Variants in CDX1 observed in about 807,000 individuals in gnomAD.
CDX1 encodes caudal type homeobox 1.
A neutral mutation model predicts 16.9 loss-of-function variants in CDX1; 9 were observed. The ratio of observed to expected loss-of-function variants is 0.53; its 90% CI spans 0.32 to 0.93. CDX1 has a LOEUF of 0.93. Among genes scored for constraint, CDX1 ranks in the 40% least tolerant of loss-of-function variants. The pLI is 0.04. For missense variants in CDX1, 393 were observed against 386.1 expected (o/e 1.02, Z -0.15); for synonymous variants, 179 against 179.0 (o/e 1.00, Z 0.00).
intron 1 of CDX1, among the ~76,000 whole-genome samples, chr5:150,174,374 G>A (rs1419756170): frequency 6.6e-6 from 1 of 152,248 alleles, no homozygotes; most frequent in African/African-American, 2.4e-5. Context: ...TTAAATGGCT[G>A]TCTTGGGCTC....
rs1761489251 is a variant in CDX1, at chr5:150,170,412, G to A, written c.445+3091G>A. On this transcript the variant is annotated intron_variant, in intron 1 of 2. Transcript: ENST00000231656. The stretch of plus-strand genomic sequence containing the variant: ...AACTATGTCTGCTTAACCCACTACT[G>A]CATCCTGGCACCCAGCTCAGTGCAT... Among the ~76,000 whole-genome samples the A allele has an allele frequency of 1.3e-5, 2 of 152,300 alleles. 1 individual carries two copies. The highest frequency in any genetic ancestry group is 6.8e-3 in the Middle Eastern group (2 of 294).
At chr5:150,174,483 G>A (rs979001786) in intron 1 of CDX1, among the ~76,000 whole-genome samples, 13 of 152,186 alleles carry the variant, frequency 8.5e-5, no homozygotes, top group African/African-American at 2.9e-4. Context: ...CAGTGTGGGC[G>A]TCCGGACCCT....
In CDX1 at chr5:150,166,832, C is replaced by T. The variant is rs987630430; in HGVS notation, c.-45C>T. 2.3e-6 allele frequency: 3 copies of T among 1,329,162 alleles called. No individual in the cohort carries two copies. 82.3% of individuals were successfully genotyped at this position (1,329,162 alleles called of 1,614,324 possible). A position where few individuals can be genotyped will look rare whatever the true frequency, so the allele number is the denominator to read the frequency against. ...TGCTCGTCGTCGGGGCGGCCGGCAG[C>T]GGCGGCTCCAGGGCCCAGCATGCGC... On this transcript the variant is annotated 5_prime_UTR_variant, in exon 1 of 3. Transcript: ENST00000231656.
At chr5:150,181,437 G>A (rs1489122910) in intron 1 of CDX1, among the ~76,000 whole-genome samples, 1 of 152,014 alleles carries the variant, frequency 6.6e-6, no homozygotes, top group Non-Finnish European at 1.5e-5. Context: ...CACCACGCCC[G>A]GCTAATTTTT....
Position 150,167,191 on chromosome 5 carries a change from T to A in CDX1, c.315T>A (p.Pro105=). The change falls in exon 1 of 3, where the codon CCT becomes CCA. Residue 105 remains proline (P), a synonymous_variant. Coordinates refer to ENST00000231656, the MANE Select transcript of CDX1 (RefSeq NM_001804.3). ...PPDFSPVPAP[P]GPGPGLLAQP... ...ACTTTAGCCCGGTGCCGGCGCCCCC[T>A]GGGCCCGGCCCGGGCCTCCTGGCGC... The A allele has an allele frequency of 4.7e-6, 6 of 1,269,992 alleles. No individual in the cohort carries two copies. Among genetic ancestry groups the A allele is most frequent in the Non-Finnish European group, 5.9e-6 (6 of 1,013,196 alleles). The allele number at this position is 1,269,992 out of a possible 1,614,324, so 78.7% of individuals were successfully genotyped here.
chr5:150,174,259 A>AG (rs1292789342), intron 1 of CDX1, among the ~76,000 whole-genome samples: 3 of 152,232 alleles, frequency 2.0e-5, no homozygotes, highest in Non-Finnish European at 4.4e-5. Flanking sequence ...GAAGATGGCC[A>AG]GGGGGGCAGT....
chr5:150,168,475 A>G (rs2113947249), intron 1 of CDX1, among the ~76,000 whole-genome samples: 1 of 152,356 alleles, frequency 6.6e-6, no homozygotes, highest in South Asian at 2.1e-4. Flanking sequence ...AGACTCTGCC[A>G]CTTGCTTCTG....
intron 1 of CDX1, among the ~76,000 whole-genome samples, chr5:150,171,552 G>A (rs1405569031): frequency 2.6e-5 from 4 of 152,226 alleles, no homozygotes; most frequent in Admixed American, 6.5e-5. Context: ...TAGCCAGGAT[G>A]GTCTCGATCT....
chr5:150,180,042 C>T (rs1761621636), intron 1 of CDX1, among the ~76,000 whole-genome samples: 1 of 152,236 alleles, frequency 6.6e-6, no homozygotes, highest in African/African-American at 2.4e-5. Context: ...CTTCTTTGGC[C>T]CTCCAGCTGC....
At chr5:150,173,723 T>G (rs992704370) in intron 1 of CDX1, among the ~76,000 whole-genome samples, 1 of 152,220 alleles carries the variant, frequency 6.6e-6, no homozygotes, top group African/African-American at 2.4e-5. Flanking sequence ...GTTCAGCATT[T>G]TTTCAAATGC....
chr5:150,178,850 C>A (rs1761604851), intron 1 of CDX1, among the ~76,000 whole-genome samples: 1 of 151,280 alleles, frequency 6.6e-6, no homozygotes, highest in African/African-American at 2.4e-5. Context: ...TTCTGTCTTG[C>A]TTTTTTTTTC....
chr5:150,173,529 A>G (rs1358132281), intron 1 of CDX1, among the ~76,000 whole-genome samples: 1 of 152,136 alleles, frequency 6.6e-6, no homozygotes, highest in Non-Finnish European at 1.5e-5. Context: ...TCACCTCACC[A>G]GTCGGTTTAG....
intron 1 of CDX1, among the ~76,000 whole-genome samples, chr5:150,168,344 G>C (rs1418329738): frequency 6.6e-6 from 1 of 152,190 alleles, no homozygotes; most frequent in African/African-American, 2.4e-5. Context: ...AGCTTGCCTC[G>C]GGGCAGATGC....
chr5:150,175,292 TG>T (rs1037262896), intron 1 of CDX1, among the ~76,000 whole-genome samples: 1 of 152,196 alleles, frequency 6.6e-6, no homozygotes, highest in African/African-American at 2.4e-5. Context: ...ATGGCCAGAC[TG>T]GGGGAGAGCC....
rs371382961 is a variant in CDX1 at position 150,174,713 on chromosome 5, T to C, written c.445+7392T>C. 4.1e-4 allele frequency among the ~76,000 whole-genome samples: 63 copies of C among 152,206 alleles called. 1 individual carries two copies. Among genetic ancestry groups the C allele is most frequent in the African/African-American group, 1.5e-3 (62 of 41,540 alleles). ...AGTGCAGAAAAATCTCTCTCAAGAG[T>C]TCCCAGAATGGAAATCCATTCTGCA... On this transcript the variant is annotated intron_variant, in intron 1 of 2. Coordinates refer to ENST00000231656, the MANE Select transcript of CDX1 (RefSeq NM_001804.3).
intron 1 of CDX1, among the ~76,000 whole-genome samples, chr5:150,168,262 C>T (rs944489805): frequency 6.6e-6 from 1 of 152,226 alleles, no homozygotes; most frequent in Non-Finnish European, 1.5e-5. Flanking sequence ...CTCCCCTTAC[C>T]CCAGCTGCGA....
intron 1 of CDX1, 68 bp downstream of exon 1, chr5:150,167,389 C>T (rs938615567): frequency 4.4e-5 from 48 of 1,099,144 alleles, no homozygotes; most frequent in Non-Finnish European, 5.2e-5. Context: ...AGGCCGCCCC[C>T]TGTCTGACCT....
intron 1 of CDX1, among the ~76,000 whole-genome samples, chr5:150,176,305 A>G (rs1480740180): frequency 6.6e-6 from 1 of 152,206 alleles, no homozygotes; most frequent in African/African-American, 2.4e-5. Context: ...CAAGTGACCT[A>G]TAAGCTCTCT....
At chr5:150,178,555 G>A (rs1761599122) in intron 1 of CDX1, among the ~76,000 whole-genome samples, 1 of 152,160 alleles carries the variant, frequency 6.6e-6, no homozygotes, top group African/African-American at 2.4e-5. Flanking sequence ...TCCTTCCCAG[G>A]CTCCAGAGGT....
Sources: gnomAD v4.1 joint callset for allele counts (sites outside exome capture counted in the v4.1 genomes callset) on GRCh38, gnomAD v4.1.1 for gene constraint, MANE v1.5 for transcripts, NCBI Gene and HGNC (gene_info 2026-07-23, HGNC 2026-07-21) for gene names.